The following CSMD1 variants were observed in gnomAD, a reference collection of about 807,000 sequenced individuals.
CSMD1 encodes CUB and Sushi multiple domains 1, also known as CUB and sushi domain-containing protein 1.
In CSMD1, 213 loss-of-function variants were observed where a neutral mutation model predicts 417.5. The ratio of observed to expected loss-of-function variants is 0.51; its 90% CI spans 0.46 to 0.57. CSMD1 has a LOEUF of 0.57. Among genes scored for constraint, CSMD1 ranks in the 20% least tolerant of loss-of-function variants. CSMD1 has a pLI of 0.00. For missense variants in CSMD1, 6,923 were observed against 4,529.7 expected (o/e 1.53, Z -15.17); for synonymous variants, 2,862 against 1,736.8 (o/e 1.65, Z -16.11).
chr8:4,592,268 G>A (rs958676049), intron 2 of CSMD1, among the ~76,000 whole-genome samples: 2 of 151,126 alleles, frequency 1.3e-5, no homozygotes, highest in African/African-American at 4.9e-5. Flanking sequence ...GTCCAGGAGG[G>A]TATTACAGAA....
At chr8:4,524,201 A>G (rs1796388599) in intron 2 of CSMD1, among the ~76,000 whole-genome samples, 15 of 152,112 alleles carry the variant, frequency 9.9e-5, no homozygotes, top group Admixed American at 9.8e-4. Flanking sequence ...GGGAAATTAA[A>G]ATATATTTAT....
rs77368090 is a variant in CSMD1 at position 3,113,925 on chromosome 8, A to G, written c.6431-3590T>C. ...TATTAAGTGATATTACATCAAATTAAAATTAAAACAGGCTGGCTGTTATGG... is the reference window on the plus strand; with the variant it reads ...TATTAAGTGATATTACATCAAATTAGAATTAAAACAGGCTGGCTGTTATGG... On this transcript the variant is annotated intron_variant, in intron 42 of 69. Transcript: ENST00000635120. Among the ~76,000 whole-genome samples, 965 of 152,234 alleles carry G rather than the reference A, an allele frequency of 6.3e-3. 13 individuals are homozygous for G. Among genetic ancestry groups the G allele is most frequent in the African/African-American group, 0.022 (905 of 41,528 alleles).
chr8:3,225,696 C>T (rs1798463785), intron 27 of CSMD1, among the ~76,000 whole-genome samples: 1 of 152,086 alleles, frequency 6.6e-6, no homozygotes, highest in Non-Finnish European at 1.5e-5. Context: ...AAGGGGAAAC[C>T]CTGTCTTATT....
chr8:4,056,935 C>G (rs182668636), intron 3 of CSMD1, among the ~76,000 whole-genome samples: 2 of 152,154 alleles, frequency 1.3e-5, no homozygotes, highest in African/African-American at 4.8e-5. Context: ...CAGTTTATCA[C>G]TGTTGGACAT....
At chr8:3,783,267 T>C (rs888662991) in intron 5 of CSMD1, among the ~76,000 whole-genome samples, 23 of 152,152 alleles carry the variant, frequency 1.5e-4, no homozygotes, top group Non-Finnish European at 7.3e-5. Context: ...GAAAAACTGG[T>C]TTTTTGCAAA....
At chr8:4,271,394 G>T (rs140498209) in intron 3 of CSMD1, among the ~76,000 whole-genome samples, 1 of 152,056 alleles carries the variant, frequency 6.6e-6, no homozygotes, top group East Asian at 1.9e-4. Flanking sequence ...TAAAAAATAC[G>T]TAGCTTTGCC....
intron 1 of CSMD1, among the ~76,000 whole-genome samples, chr8:4,975,638 C>G (rs1563914349): frequency 6.6e-6 from 1 of 152,130 alleles, no homozygotes; most frequent in Non-Finnish European, 1.5e-5. Context: ...CCGAACAAAA[C>G]AGGTGTTACT....
chr8:4,151,036 A>C (rs565566250), intron 3 of CSMD1, among the ~76,000 whole-genome samples: 1 of 152,280 alleles, frequency 6.6e-6, no homozygotes, highest in South Asian at 2.1e-4. Flanking sequence ...ATGCAGACGT[A>C]ATAAAACGGT....
chr8:3,544,038 G>A (rs369868852), intron 10 of CSMD1, among the ~76,000 whole-genome samples: 1 of 152,092 alleles, frequency 6.6e-6, no homozygotes, highest in Non-Finnish European at 1.5e-5. Context: ...TCTTCCACAG[G>A]TGAAGTGTCC....
intron 10 of CSMD1, among the ~76,000 whole-genome samples, chr8:3,574,110 G>C (rs530953127): frequency 2.0e-5 from 3 of 152,100 alleles, no homozygotes; most frequent in African/African-American, 7.2e-5. Context: ...TACTACCCTG[G>C]AGGAAATATA....
At chr8:3,122,474 G>A (rs1484480963) in intron 41 of CSMD1, among the ~76,000 whole-genome samples, 1 of 152,148 alleles carries the variant, frequency 6.6e-6, no homozygotes, top group Non-Finnish European at 1.5e-5. Flanking sequence ...TGTGAAAATG[G>A]AATTTGCAGT....
rs139566036 is a variant in CSMD1 at position 4,599,149 on chromosome 8, C to T, written c.302+38193G>A. ...CAGACTAAGGTATTAAAAAATCCAA[C>T]GTACTGTATCTGTAGGGAGAACTTA... is the stretch of plus-strand genomic sequence containing the variant. On this transcript the variant is annotated intron_variant, in intron 2 of 69. Coordinates refer to ENST00000635120, the MANE Select transcript of CSMD1 (RefSeq NM_033225.6). 2.6e-3 allele frequency among the ~76,000 whole-genome samples: 403 copies of T among 152,204 alleles called. 3 individuals are homozygous for T. The highest frequency in any genetic ancestry group is 8.0e-3 in the African/African-American group (334 of 41,534).
intron 6 of CSMD1, among the ~76,000 whole-genome samples, chr8:3,732,832 G>T (rs1796335714): frequency 6.6e-6 from 1 of 152,106 alleles, no homozygotes; most frequent in Non-Finnish European, 1.5e-5. Context: ...TATTTATCGA[G>T]TGATTCAAGA....
intron 8 of CSMD1, among the ~76,000 whole-genome samples, chr8:3,609,811 CTTTT>C (rs71534362): frequency 6.6e-5 from 5 of 75,272 alleles, no homozygotes; most frequent in African/African-American, 2.5e-4. Context: ...AGTATCTTCC[CTTTT>C]TTTTTTTTTT....
At chr8:3,697,597 C>T (rs1800625366) in intron 7 of CSMD1, among the ~76,000 whole-genome samples, 1 of 152,116 alleles carries the variant, frequency 6.6e-6, no homozygotes, top group Admixed American at 6.6e-5. Flanking sequence ...AAGAATATAG[C>T]AGTTCCCCCT....
chr8:3,102,462 G>A (rs28609048), intron 46 of CSMD1, among the ~76,000 whole-genome samples: 4 of 152,130 alleles, frequency 2.6e-5, no homozygotes, highest in East Asian at 1.9e-4. Flanking sequence ...AGTAAAAGTC[G>A]GCAAATTTTG....
chr8:3,397,674 G>A (rs1392815779), intron 16 of CSMD1, among the ~76,000 whole-genome samples: 2 of 152,154 alleles, frequency 1.3e-5, no homozygotes, highest in Admixed American at 1.3e-4. Flanking sequence ...AAGCGTGAAA[G>A]CAATCTCCTT....
chr8:4,447,920 C>T lies in CSMD1; in HGVS notation c.303-27855G>A, dbSNP rs144006574. ...TCGATTACTCATCTTTCGGAAATGACGACAATTACCACACTCACCATATTT... is the reference window on the plus strand; with the variant it reads ...TCGATTACTCATCTTTCGGAAATGATGACAATTACCACACTCACCATATTT... On this transcript the variant is annotated intron_variant, in intron 2 of 69. Transcript: ENST00000635120. Among the ~76,000 whole-genome samples, 1,063 of 151,630 alleles carry T rather than the reference C, an allele frequency of 7.0e-3. 14 individuals carry two copies. The highest frequency in any genetic ancestry group is 0.024 in the African/African-American group (988 of 41,446).
chr8:3,768,665 A>T (rs531113164), intron 5 of CSMD1, among the ~76,000 whole-genome samples: 2 of 152,320 alleles, frequency 1.3e-5, no homozygotes, highest in South Asian at 2.1e-4. Flanking sequence ...CAGAACTTTT[A>T]AGTGTTGTGT....
Sources: gnomAD v4.1 joint callset for allele counts (sites outside exome capture counted in the v4.1 genomes callset) on GRCh38, gnomAD v4.1.1 for gene constraint, MANE v1.5 for transcripts, NCBI Gene and HGNC (gene_info 2026-07-23, HGNC 2026-07-21) for gene names.